NKAIN3: variants seen among roughly 807,000 people sequenced by gnomAD.
The protein encoded by NKAIN3 is sodium/potassium-transporting ATPase subunit beta-1-interacting protein 3.
In NKAIN3, 25 loss-of-function variants were observed where a neutral mutation model predicts 30.2. The ratio of observed to expected loss-of-function variants is 0.83; its 90% CI spans 0.60 to 1.16. The LOEUF (loss-of-function observed/expected upper bound fraction) is 1.16. Ranked by LOEUF, NKAIN3 falls within the 50% of genes most tolerant of loss-of-function variation. NKAIN3 has a pLI of 0.00. For missense variants in NKAIN3, 225 were observed against 254.1 expected, an observed-to-expected ratio of 0.89 and a Z score of 0.78; for synonymous variants, 91 against 89.6, an observed-to-expected ratio of 1.02 and a Z score of -0.09.
chr8:62,430,366 G>GGTGTGTGTGT lies in NKAIN3; in HGVS notation c.55-149141_55-149132dup, dbSNP rs59837325. 1.1e-3 allele frequency among the ~76,000 whole-genome samples: 156 copies of GGTGTGTGTGT among 142,558 alleles called. 1 individual carries two copies. The highest frequency in any genetic ancestry group is 1.6e-3 in the Non-Finnish European group (104 of 65,100). 93.5% of individuals were successfully genotyped at this position (142,558 alleles called of 152,430 possible). A position where few individuals can be genotyped will look rare whatever the true frequency, so the allele number is the denominator to read the frequency against. ...TCTGAGATACATACATATATATTGT[G>GGTGTGTGTGT]GTGTGTGTGTGTGTGTGTGTGTGTG... is the stretch of plus-strand genomic sequence containing the variant. On this transcript the variant is annotated intron_variant, in intron 1 of 6. Coordinates refer to ENST00000623646, the MANE Select transcript of NKAIN3 (RefSeq NM_001304533.3).
At chr8:62,497,384 G>A (rs1807275814) in intron 1 of NKAIN3, among the ~76,000 whole-genome samples, 1 of 151,796 alleles carries the variant, frequency 6.6e-6, no homozygotes, top group African/African-American at 2.4e-5. Context: ...TTGAAGCAAT[G>A]TCCTGTGGAA....
At chr8:62,840,325 C>T (rs1041730923) in intron 4 of NKAIN3, among the ~76,000 whole-genome samples, 5 of 150,090 alleles carry the variant, frequency 3.3e-5, no homozygotes, top group African/African-American at 1.2e-4. Flanking sequence ...CTCAGTTCCA[C>T]TATAGACATA....
intron 5 of NKAIN3, among the ~76,000 whole-genome samples, chr8:62,938,587 C>T (rs1822856862): frequency 6.6e-6 from 1 of 151,462 alleles, no homozygotes; most frequent in South Asian, 2.1e-4. Flanking sequence ...TCTTTGCAGA[C>T]ACACCCCAGT....
intron 3 of NKAIN3, among the ~76,000 whole-genome samples, chr8:62,614,320 C>A (rs1811382332): frequency 6.6e-6 from 1 of 152,142 alleles, no homozygotes; most frequent in Non-Finnish European, 1.5e-5. Flanking sequence ...TTCAGATACT[C>A]TTGTTCTCAT....
chr8:62,838,701 A>G (rs1253663083), intron 4 of NKAIN3, among the ~76,000 whole-genome samples: 3 of 152,074 alleles, frequency 2.0e-5, no homozygotes, highest in Non-Finnish European at 2.9e-5. Context: ...TAAAAACACC[A>G]TTTGCATATG....
At chr8:62,512,560 C>T (rs1207317119) in intron 1 of NKAIN3, among the ~76,000 whole-genome samples, 1 of 152,050 alleles carries the variant, frequency 6.6e-6, no homozygotes, top group African/African-American at 2.4e-5. Context: ...TTTTTCAATT[C>T]TCCCAGCTGC....
chr8:62,617,620 C>T (rs945224044), intron 3 of NKAIN3, among the ~76,000 whole-genome samples: 11 of 152,098 alleles, frequency 7.2e-5, no homozygotes, highest in Non-Finnish European at 1.5e-5. Flanking sequence ...TCTCCTGTTG[C>T]ATAGAAAGAT....
intron 4 of NKAIN3, among the ~76,000 whole-genome samples, chr8:62,814,518 G>T (rs1164036412): frequency 5.3e-5 from 8 of 151,838 alleles, no homozygotes; most frequent in African/African-American, 1.2e-4. Context: ...GAACAGAAAT[G>T]ATAACAAACT....
At chr8:62,425,508 C>A (rs1455242005) in intron 1 of NKAIN3, among the ~76,000 whole-genome samples, 3 of 151,764 alleles carry the variant, frequency 2.0e-5, no homozygotes, top group Non-Finnish European at 4.4e-5. Context: ...AGATCTTTTG[C>A]AAGTATGAAT....
At chr8:62,674,339 T>A (rs1409185407) in intron 3 of NKAIN3, among the ~76,000 whole-genome samples, 1 of 152,198 alleles carries the variant, frequency 6.6e-6, no homozygotes, top group East Asian at 1.9e-4. Flanking sequence ...CTTGTTTATT[T>A]CCTCAGAAGC....
intron 3 of NKAIN3, among the ~76,000 whole-genome samples, chr8:62,595,384 T>TTC (rs1213075548): frequency 5.9e-4 from 68 of 115,856 alleles, no homozygotes; most frequent in African/African-American, 1.4e-3. Flanking sequence ...GCTATTTTCT[T>TTC]TTTTTTTTTT....
chr8:62,762,633 A>G (rs1816702848), intron 4 of NKAIN3, among the ~76,000 whole-genome samples: 1 of 152,196 alleles, frequency 6.6e-6, no homozygotes, highest in African/African-American at 2.4e-5. Context: ...AGTAGACCAC[A>G]TGACAGAAGA....
chr8:62,871,794 G>A lies in NKAIN3; in HGVS notation c.472-46659G>A, dbSNP rs72655016. ...TAAAATTGCCATTTTCACCACTTGT[G>A]GAAAATGATGAGGAATCAGTGATCT... is the stretch of plus-strand genomic sequence containing the variant. On this transcript the variant is annotated intron_variant, in intron 4 of 6. Transcript: ENST00000623646. Among the ~76,000 whole-genome samples the A allele has an allele frequency of 8.2e-3, 1,245 of 152,246 alleles. 19 individuals carry two copies. Among genetic ancestry groups the A allele is most frequent in the Non-Finnish European group, 8.1e-3 (551 of 68,012 alleles).
At chr8:62,847,163 T>C (rs2130767880) in intron 4 of NKAIN3, among the ~76,000 whole-genome samples, 1 of 152,276 alleles carries the variant, frequency 6.6e-6, no homozygotes, top group South Asian at 2.1e-4. Context: ...CGCATGTATC[T>C]TTATAACAGA....
intron 1 of NKAIN3, among the ~76,000 whole-genome samples, chr8:62,486,513 T>C (rs1343554821): frequency 6.6e-6 from 1 of 152,218 alleles, no homozygotes; most frequent in African/African-American, 2.4e-5. Flanking sequence ...ATTCAAAATA[T>C]TGCTTGGATG....
intron 1 of NKAIN3, among the ~76,000 whole-genome samples, chr8:62,275,045 G>A (rs796331147): frequency 1.8e-3 from 272 of 152,116 alleles, no homozygotes; most frequent in African/African-American, 5.9e-3. Flanking sequence ...GAATAGTGCC[G>A]CAATAAACAT....
intron 4 of NKAIN3, among the ~76,000 whole-genome samples, chr8:62,801,561 C>G (rs1467557536): frequency 3.9e-5 from 6 of 152,288 alleles, no homozygotes; most frequent in East Asian, 3.9e-4. Flanking sequence ...TGAGGGTCCT[C>G]TCTGTTAGAA....
At chr8:62,626,428 T>C (rs1811789538) in intron 3 of NKAIN3, among the ~76,000 whole-genome samples, 1 of 152,024 alleles carries the variant, frequency 6.6e-6, no homozygotes, top group Admixed American at 6.6e-5. Context: ...TGGGCACAGA[T>C]ACTAAAAAAG....
intron 3 of NKAIN3, among the ~76,000 whole-genome samples, chr8:62,694,314 T>C (rs1814085061): frequency 1.3e-5 from 2 of 152,156 alleles, no homozygotes. Context: ...TGTCCATCAA[T>C]GGATGAATAG....
Sources: gnomAD v4.1 joint callset for allele counts (sites outside exome capture counted in the v4.1 genomes callset) on GRCh38, gnomAD v4.1.1 for gene constraint, MANE v1.5 for transcripts, NCBI Gene and HGNC (gene_info 2026-07-23, HGNC 2026-07-21) for gene names.